FRYL: variants seen among roughly 807,000 people sequenced by gnomAD.
FRYL encodes protein furry homolog-like.
Under a neutral mutation model 351.2 loss-of-function variants are expected in FRYL, and 150 were observed. The observed-to-expected ratio is 0.43, with a 90% CI of 0.37 to 0.49. The LOEUF (loss-of-function observed/expected upper bound fraction) is 0.49. Ranked by LOEUF, FRYL falls within the 20% of genes least tolerant of loss-of-function variation. FRYL has a pLI of 0.00. For synonymous variants in FRYL, 1,153 were observed against 1,257.1 expected (o/e 0.92, Z 1.75); for missense variants, 3,036 against 3,619.3 (o/e 0.84, Z 4.13).
chr4:48,699,720 CCTT>C (rs1004167519), intron 2 of FRYL, among the ~76,000 whole-genome samples: 1 of 152,056 alleles, frequency 6.6e-6, no homozygotes, highest in Non-Finnish European at 1.5e-5. Context: ...CATAAATCGC[CCTT>C]CTTCTTCTGG....
intron 3 of FRYL, among the ~76,000 whole-genome samples, chr4:48,671,130 A>G (rs563373584): frequency 1.1e-4 from 17 of 152,254 alleles, no homozygotes; most frequent in African/African-American, 4.1e-4. Flanking sequence ...TGTCTTTTGG[A>G]TAAAAGTCAT....
chr4:48,703,461 A>G (rs1766985250), intron 2 of FRYL, among the ~76,000 whole-genome samples: 1 of 152,190 alleles, frequency 6.6e-6, no homozygotes. Context: ...CAATCAGATG[A>G]TATCTCAGGC....
Position 48,499,203 on chromosome 4 carries a change from T to C in FRYL, c.*219A>G, listed in dbSNP as rs2148686056. ...TAGGTTAAGTAATTAAAAAATTCCT[T>C]CTTCACGCAGTTATTGTGGGAGATA... On this transcript the variant is annotated 3_prime_UTR_variant, in exon 64 of 64. Transcript: ENST00000358350. 1 of 505,434 alleles carries C rather than the reference T, an allele frequency of 2.0e-6. No individual in the cohort carries two copies. Among genetic ancestry groups the C allele is most frequent in the Non-Finnish European group, 3.5e-6 (1 of 283,236 alleles). 31.3% of individuals were successfully genotyped at this position (505,434 alleles called of 1,614,324 possible).
intron 23 of FRYL, among the ~76,000 whole-genome samples, chr4:48,577,675 A>G (rs1358866452): frequency 6.6e-6 from 1 of 152,188 alleles, no homozygotes; most frequent in East Asian, 1.9e-4. Context: ...ACTTAAGGTC[A>G]TAAATGGTAT....
At chr4:48,589,906 A>G (rs1742889355) in intron 17 of FRYL, 29 bp from the exon 18 acceptor site, 1 of 1,552,860 alleles carries the variant, frequency 6.4e-7, no homozygotes, top group African/African-American at 1.4e-5. Flanking sequence ...CAGTTATAAA[A>G]TATCTGAAAT....
intron 35 of FRYL, 22 bp downstream of exon 35, chr4:48,556,956 T>C: frequency 6.6e-7 from 1 of 1,522,354 alleles, no homozygotes; most frequent in East Asian, 2.5e-5. Flanking sequence ...TATTTTAAAA[T>C]TAAATGAACT....
In FRYL at chr4:48,617,252, T is replaced by C. The variant is rs1749675348; in HGVS notation, c.411+2022A>G. Among the ~76,000 whole-genome samples the C allele has an allele frequency of 2.6e-5, 4 of 152,108 alleles. No individual in the cohort carries two copies. The South Asian group carries it at 8.3e-4, about 32-fold the overall frequency. ...TTAGCTATCAAGGCCACTGTATTTCTTTTTCACTTTCAGTCCATGTGAACC... is the reference window on the plus strand; with the variant it reads ...TTAGCTATCAAGGCCACTGTATTTCCTTTTCACTTTCAGTCCATGTGAACC... On this transcript the variant is annotated intron_variant, in intron 7 of 63. Transcript: ENST00000358350.
In FRYL at chr4:48,515,314, TA is replaced by T. The variant is rs368565814; in HGVS notation, c.7690-40del. ...ATAGTTTTAGTGAACTATAAACACA[TA>T]AAAAAAGAATTTTACAACACAATAA... On this transcript the variant is annotated intron_variant, in intron 55 of 63. Transcript: ENST00000358350. 9.5e-4 allele frequency: 1,381 copies of T among 1,457,152 alleles called. 11 individuals carry two copies. The African/African-American group carries it at 0.018, about 19-fold the overall frequency. 90.3% of individuals were successfully genotyped at this position (1,457,152 alleles called of 1,614,324 possible).
At chr4:48,701,606 A>G (rs1012390036) in intron 2 of FRYL, among the ~76,000 whole-genome samples, 9 of 152,224 alleles carry the variant, frequency 5.9e-5, no homozygotes, top group African/African-American at 2.2e-4. Context: ...TTACAAAAGA[A>G]ACATGCTGGC....
chr4:48,510,773 GACTT>G, intron 58 of FRYL, 58 bp downstream of exon 58: 1 of 1,273,240 alleles, frequency 7.9e-7, no homozygotes, highest in Non-Finnish European at 1.1e-6. Flanking sequence ...TAGAAAAAAA[GACTT>G]ACTGAATGAT....
intron 13 of FRYL, among the ~76,000 whole-genome samples, chr4:48,599,457 T>C (rs554708319): frequency 6.0e-5 from 1 of 16,552 alleles, no homozygotes; most frequent in South Asian, 4.5e-3. Context: ...AAAACTAGTA[T>C]GGTAATTTTT....
chr4:48,680,425 GAAC>G (rs1433958850), intron 3 of FRYL, among the ~76,000 whole-genome samples: 1 of 151,644 alleles, frequency 6.6e-6, no homozygotes, highest in African/African-American at 2.4e-5. Context: ...AAACTTTAAA[GAAC>G]ATTATATTTA....
intron 19 of FRYL, 73 bp from the exon 20 acceptor site, chr4:48,582,807 A>T: frequency 1.0e-6 from 1 of 970,044 alleles, no homozygotes; most frequent in Non-Finnish European, 1.6e-6. Context: ...ACTTAAAACT[A>T]TGACCTTAAA....
At chr4:48,580,053 A>C (rs1025754144) in intron 22 of FRYL, among the ~76,000 whole-genome samples, 1 of 70,356 alleles carries the variant, frequency 1.4e-5, no homozygotes, top group Non-Finnish European at 2.8e-5. Flanking sequence ...GTTTAGCATC[A>C]TGGTAGCATC....
chr4:48,537,619 A>G (rs1474513929), intron 47 of FRYL, among the ~76,000 whole-genome samples: 1 of 152,222 alleles, frequency 6.6e-6, no homozygotes, highest in Non-Finnish European at 1.5e-5. Flanking sequence ...GCATACGGAG[A>G]GGGAACCTTT....
chr4:48,538,188 A>G (rs1480465722), intron 47 of FRYL, among the ~76,000 whole-genome samples: 3 of 152,138 alleles, frequency 2.0e-5, no homozygotes, highest in African/African-American at 7.2e-5. Flanking sequence ...GTTCTATTGG[A>G]TTAGTTTAAT....
chr4:48,643,937 C>G (rs1487032321), intron 3 of FRYL, among the ~76,000 whole-genome samples: 1 of 152,054 alleles, frequency 6.6e-6, no homozygotes, highest in Admixed American at 6.6e-5. Flanking sequence ...ATTAGCACAG[C>G]TCCAACTAAA....
chr4:48,706,238 CA>C (rs1767328264), intron 2 of FRYL, among the ~76,000 whole-genome samples: 1 of 152,072 alleles, frequency 6.6e-6, no homozygotes, highest in Non-Finnish European at 1.5e-5. Flanking sequence ...CCAAAATGTG[CA>C]AAGAACTCAA....
chr4:48,725,830 C>T (rs577439798), intron 1 of FRYL, among the ~76,000 whole-genome samples: 14 of 151,790 alleles, frequency 9.2e-5, no homozygotes, highest in African/African-American at 3.4e-4. Context: ...TAATCTCTTA[C>T]TGCGCCTTAT....
Sources: allele counts gnomAD v4.1 joint callset (sites outside exome capture counted in the v4.1 genomes callset), GRCh38; gene constraint gnomAD v4.1.1; transcripts MANE v1.5; gene names NCBI Gene and HGNC (gene_info 2026-07-23, HGNC 2026-07-21).